Variants in UROS observed in about 807,000 individuals in gnomAD.
UROS encodes the protein uroporphyrinogen-III synthase.
Under a neutral mutation model 33.0 loss-of-function variants are expected in UROS, and 18 were observed. The observed-to-expected ratio is 0.55, with a 90% CI of 0.38 to 0.81. The LOEUF (loss-of-function observed/expected upper bound fraction) is 0.81, where lower values mean the gene tolerates loss of function less well. UROS is among the 30% of genes least tolerant of loss of function. UROS has a pLI of 0.00. For missense variants in UROS, 293 were observed against 314.9 expected (o/e 0.93, Z 0.53); for synonymous variants, 114 against 121.1 (o/e 0.94, Z 0.38).
intron 5 of UROS, among the ~76,000 whole-genome samples, chr10:125,810,379 G>A (rs962666931): frequency 6.6e-5 from 10 of 152,206 alleles, no homozygotes; most frequent in Non-Finnish European, 1.0e-4. Flanking sequence ...AGGCCCATGT[G>A]AGTGAGCTGG....
At chr10:125,801,796 C>T (rs1317018158) in intron 6 of UROS, among the ~76,000 whole-genome samples, 1 of 152,210 alleles carries the variant, frequency 6.6e-6, no homozygotes, top group African/African-American at 2.4e-5. Context: ...TTAACTGAAA[C>T]ACCAATGTGA....
At chr10:125,798,926 G>A (rs77481346) in intron 6 of UROS, among the ~76,000 whole-genome samples, 61 of 152,308 alleles carry the variant, frequency 4.0e-4, no homozygotes, top group African/African-American at 1.4e-3. Flanking sequence ...TTCCCCAAAT[G>A]TGAAAACACA....
At chr10:125,791,798 T>C (rs1850953644) in intron 9 of UROS, 1 of 152,084 alleles carries the variant, frequency 6.6e-6, no homozygotes, top group Non-Finnish European at 1.5e-5. Context: ...AGTTGAGTGG[T>C]TGCCAAGGAG....
In UROS at chr10:125,802,992, C is replaced by T. The variant is rs759286501; in HGVS notation, c.394+4421G>A. 1.9e-5 allele frequency: 30 copies of T among 1,612,780 alleles called. 1 individual carries two copies. Among genetic ancestry groups the T allele is most frequent in the Non-Finnish European group, 2.5e-5 (29 of 1,179,898 alleles). ...ATAAGGGCACGTCCAAACCCACTTT[C>T]TTCACTTCAAAAGATTCCTTTGACT... On this transcript the variant is annotated intron_variant, in intron 6 of 9. Coordinates refer to ENST00000368797, the MANE Select transcript of UROS (RefSeq NM_000375.3).
intron 9 of UROS, among the ~76,000 whole-genome samples, chr10:125,790,798 AT>A (rs1850870700): frequency 7.5e-6 from 1 of 132,806 alleles, no homozygotes; most frequent in African/African-American, 2.8e-5. Flanking sequence ...AAAAAAAAAA[AT>A]GTATTCAGAG....
intron 5 of UROS, among the ~76,000 whole-genome samples, 159 bp downstream of exon 5, chr10:125,812,055 T>G (rs1852861818): frequency 6.6e-6 from 1 of 152,238 alleles, no homozygotes; most frequent in Non-Finnish European, 1.5e-5. Flanking sequence ...TTTGATTATA[T>G]TTGTTTCACT....
intron 6 of UROS, among the ~76,000 whole-genome samples, chr10:125,801,342 A>G (rs1202962888): frequency 6.6e-6 from 1 of 152,222 alleles, no homozygotes; most frequent in African/African-American, 2.4e-5. Flanking sequence ...TTACTTTCCC[A>G]TTAGAGGAGA....
intron 6 of UROS, among the ~76,000 whole-genome samples, chr10:125,803,451 C>T (rs1253711403): frequency 6.6e-6 from 1 of 152,242 alleles, no homozygotes. Context: ...CACAGCACCC[C>T]AGGCCCTGCT....
At chr10:125,807,079 T>G (rs2133896683) in intron 6 of UROS, 1 of 344,390 alleles carries the variant, frequency 2.9e-6, no homozygotes, top group South Asian at 2.8e-5. Context: ...CAGTCCTCAG[T>G]AAGGGGAGAG....
chr10:125,790,244 A>T (rs1203374228), intron 9 of UROS, among the ~76,000 whole-genome samples: 1 of 151,964 alleles, frequency 6.6e-6, no homozygotes. Flanking sequence ...ATAAAGTTGG[A>T]CCCCTACCTC....
intron 1 of UROS, among the ~76,000 whole-genome samples, chr10:125,817,863 G>A (rs1396798802): frequency 2.6e-5 from 4 of 152,138 alleles, no homozygotes; most frequent in Non-Finnish European, 1.5e-5. Flanking sequence ...ATACGAAAAT[G>A]TTTGGGAAAA....
chr10:125,820,323 G>A (rs545233136), intron 1 of UROS, among the ~76,000 whole-genome samples: 1 of 152,314 alleles, frequency 6.6e-6, no homozygotes, highest in Admixed American at 6.5e-5. Context: ...GTTCCAGCCT[G>A]AGTGTGAAGG....
Position 125,788,904 on chromosome 10 carries a change from G to A in UROS, c.762C>T (p.Gly254=), listed in dbSNP as rs773333068. The change falls in exon 10 of 10, where the codon GGC becomes GGT. Residue 254 remains glycine, a synonymous_variant. Transcript: ENST00000368797. Reference sequence around the variant, plus strand: ...CATGGGGCTGGAGAGCCTTCCTGATGCCAGTGGCCAGGGCTTGTGGCGTGG... The same window carrying A: ...CATGGGGCTGGAGAGCCTTCCTGATACCAGTGGCCAGGGCTTGTGGCGTGG... The part of the protein sequence containing the change: ...ESPTPQALAT[G]IRKALQPHGC... 35 of 1,604,492 alleles carry A rather than the reference G, an allele frequency of 2.2e-5. No homozygotes were observed. The South Asian group carries it at 3.0e-4, about 14-fold the overall frequency.
intron 9 of UROS, chr10:125,789,377 G>A (rs893657773): frequency 2.5e-6 from 3 of 1,181,162 alleles, no homozygotes; most frequent in Non-Finnish European, 3.2e-6. Context: ...ATCAAGGGGA[G>A]GATGGTGTGG....
At chr10:125,790,497 C>T (rs1589913106) in intron 9 of UROS, among the ~76,000 whole-genome samples, 2 of 152,104 alleles carry the variant, frequency 1.3e-5, no homozygotes, top group South Asian at 4.1e-4. Flanking sequence ...TTTTACAAAT[C>T]GTATGTCTGA....
chr10:125,802,907 C>T (rs1851962694), intron 6 of UROS: 3 of 1,600,126 alleles, frequency 1.9e-6, no homozygotes, highest in Non-Finnish European at 2.6e-6. Context: ...GGGCTTTCCC[C>T]ACCGCCTTGC....
intron 1 of UROS, 69 bp downstream of exon 1, chr10:125,822,960 C>A (rs1854128107): frequency 6.6e-6 from 1 of 152,266 alleles, no homozygotes; most frequent in African/African-American, 2.4e-5. Context: ...CACACACCGC[C>A]CGGGGCCGGG....
chr10:125,821,303 C>A (rs1853858922), intron 1 of UROS, among the ~76,000 whole-genome samples: 1 of 152,132 alleles, frequency 6.6e-6, no homozygotes, highest in Admixed American at 6.5e-5. Flanking sequence ...TATTATTCAG[C>A]CTTAACAAGG....
chr10:125,802,413 C>T (rs989235892), intron 6 of UROS: 1 of 985,708 alleles, frequency 1.0e-6, no homozygotes, highest in Admixed American at 6.1e-5. Context: ...GAAAATGACC[C>T]CCAGCAATCC....
Sources: allele counts gnomAD v4.1 joint callset (sites outside exome capture counted in the v4.1 genomes callset), GRCh38; gene constraint gnomAD v4.1.1; transcripts MANE v1.5; gene names NCBI Gene and HGNC (gene_info 2026-07-23, HGNC 2026-07-21).